Variants in NCR2 observed in about 807,000 individuals in gnomAD.
The protein encoded by NCR2 is natural cytotoxicity triggering receptor 2, also known as NK cell activating receptor (NKp44).
NCR2 carries 35 observed loss-of-function variants against 30.7 expected under a neutral mutation model. The observed-to-expected ratio is 1.14, with a 90% CI of 0.87 to 1.51. NCR2 has a LOEUF of 1.51. Among genes scored for constraint, NCR2 ranks in the 40% most tolerant of loss-of-function variants. The pLI is 0.00. For synonymous variants in NCR2, 146 were observed against 134.8 expected (o/e 1.08, Z -0.58); for missense variants, 316 against 328.9 (o/e 0.96, Z 0.30).
rs1468277408 is a variant in NCR2, at chr6:41,350,759, G to A, written c.726G>A (p.Thr242=). The change falls in exon 5 of 5, where the codon ACG becomes ACA. Residue 242 remains threonine, a synonymous_variant. Transcript: ENST00000373089. ...QKATCHLQQV[T]DLPWTSVSSP... is the part of the protein sequence containing the mutation. Reference sequence around the variant, plus strand: ...CCACCTGCCACCTTCAACAGGTCACGGACCTTCCCTGGACCTCAGTTTCCT... The same window carrying A: ...CCACCTGCCACCTTCAACAGGTCACAGACCTTCCCTGGACCTCAGTTTCCT... The A allele has an allele frequency of 7.5e-6, 12 of 1,607,370 alleles. No individual in the cohort carries two copies. Among genetic ancestry groups the A allele is most frequent in the Admixed American group, 1.7e-5 (1 of 59,994 alleles).
intron 2 of NCR2, 78 bp from the exon 3 acceptor site, chr6:41,341,715 TC>T (rs1360827337): frequency 2.0e-6 from 3 of 1,506,446 alleles, no homozygotes; most frequent in Non-Finnish European, 2.7e-6. Flanking sequence ...CTGGTCCAAC[TC>T]CCCCATCCAG....
chr6:41,336,531 C>A, intron 2 of NCR2, 103 bp downstream of exon 2: 1 of 935,192 alleles, frequency 1.1e-6, no homozygotes, highest in Non-Finnish European at 1.6e-6. Context: ...ATGCCCACGC[C>A]CCAGTCTCCT....
chr6:41,342,187 C>G (rs1394014601), intron 4 of NCR2, 38 bp downstream of exon 4: 1 of 1,606,486 alleles, frequency 6.2e-7, no homozygotes, highest in Non-Finnish European at 8.5e-7. Flanking sequence ...GAAAATGGAA[C>G]AGGGAACAGC....
intron 2 of NCR2, 80 bp from the exon 3 acceptor site, chr6:41,341,714 C>A: frequency 6.6e-7 from 1 of 1,506,794 alleles, no homozygotes; most frequent in South Asian, 1.2e-5. Flanking sequence ...TCTGGTCCAA[C>A]TCCCCCATCC....
At chr6:41,340,777 C>T (rs887333928) in intron 2 of NCR2, among the ~76,000 whole-genome samples, 4 of 152,134 alleles carry the variant, frequency 2.6e-5, no homozygotes, top group Non-Finnish European at 5.9e-5. Context: ...AGGATTTTAC[C>T]AGAGTGTCCC....
chr6:41,342,675 C>T (rs1010348086), intron 4 of NCR2, among the ~76,000 whole-genome samples: 7 of 152,286 alleles, frequency 4.6e-5, no homozygotes, highest in Admixed American at 2.6e-4. Flanking sequence ...CTCCCTAAAG[C>T]CACCATCCCA....
chr6:41,343,195 C>T (rs1023339419), intron 4 of NCR2, among the ~76,000 whole-genome samples: 1 of 152,278 alleles, frequency 6.6e-6, no homozygotes, highest in Admixed American at 6.5e-5. Context: ...TCAGTTTGCA[C>T]TGCGGCCAGC....
chr6:41,347,459 C>A (rs1190141850), intron 4 of NCR2, among the ~76,000 whole-genome samples: 1 of 152,212 alleles, frequency 6.6e-6, no homozygotes, highest in Non-Finnish European at 1.5e-5. Context: ...CCAGTCAGGC[C>A]TTTGACTATG....
intron 4 of NCR2, among the ~76,000 whole-genome samples, chr6:41,345,288 C>T (rs1769274827): frequency 6.6e-6 from 1 of 152,156 alleles, no homozygotes; most frequent in African/African-American, 2.4e-5. Context: ...TCCCATTTCT[C>T]CAACTTTCTG....
intron 4 of NCR2, among the ~76,000 whole-genome samples, chr6:41,346,512 C>T (rs1446474256): frequency 1.3e-5 from 2 of 152,156 alleles, no homozygotes; most frequent in Non-Finnish European, 2.9e-5. Context: ...TCAAATCAGT[C>T]TTTGGCACAC....
intron 2 of NCR2, among the ~76,000 whole-genome samples, chr6:41,341,552 C>T (rs1769167619): frequency 1.3e-5 from 2 of 152,122 alleles, no homozygotes. Flanking sequence ...GAGTCCTCTT[C>T]CAGTGCTCCT....
Position 41,335,612 on chromosome 6 carries a change from A to G in NCR2, c.-265A>G, listed in dbSNP as rs1258162012. The G allele has an allele frequency of 5.8e-6, 3 of 516,610 alleles. No homozygotes were observed. Among genetic ancestry groups the G allele is most frequent in the African/African-American group, 5.8e-5 (3 of 52,022 alleles). The allele number at this position is 516,610 out of a possible 1,614,324, so 32.0% of individuals were successfully genotyped here. A position where few individuals can be genotyped will look rare whatever the true frequency, so the allele number is the denominator to read the frequency against. ...CAGCTGGGCACAGGGGAGAGCAGGC[A>G]TCTTCTACAGAGGCCTGGGAAGCTG... On this transcript the variant is annotated 5_prime_UTR_variant, in exon 1 of 5. Transcript: ENST00000373089.
intron 4 of NCR2, among the ~76,000 whole-genome samples, chr6:41,346,879 G>C (rs574347616): frequency 6.6e-6 from 1 of 151,810 alleles, no homozygotes; most frequent in South Asian, 2.1e-4. Context: ...GAGAAAAAGA[G>C]GAGGGAAGAA....
At chr6:41,337,332 A>G (rs2114047605) in intron 2 of NCR2, among the ~76,000 whole-genome samples, 1 of 152,378 alleles carries the variant, frequency 6.6e-6, no homozygotes, top group East Asian at 1.9e-4. Context: ...TAAAAACTGT[A>G]TACATTGTTC....
chr6:41,338,110 C>T (rs935910186), intron 2 of NCR2, among the ~76,000 whole-genome samples: 2 of 152,128 alleles, frequency 1.3e-5, no homozygotes, highest in South Asian at 2.1e-4. Flanking sequence ...AAAAACATGT[C>T]GCTTTACTTC....
chr6:41,347,640 C>A (rs1292035577), intron 4 of NCR2, among the ~76,000 whole-genome samples: 1 of 152,264 alleles, frequency 6.6e-6, no homozygotes, highest in Admixed American at 6.5e-5. Context: ...TGACTTTCTC[C>A]TGACTCATTT....
Position 41,342,070 on chromosome 6 carries a change from G to A in NCR2, c.565G>A (p.Ala189Thr). ...QNSTLRPGPAAPIALVPVFCG... is the reference protein window; with the variant it reads ...QNSTLRPGPATPIALVPVFCG... Reference sequence around the variant, plus strand: ...CTCCACGCTCCGCCCTGGCCCTGCAGCCCCCATTGCCCTGGTGCCTGTGTT... The same window carrying A: ...CTCCACGCTCCGCCCTGGCCCTGCAACCCCCATTGCCCTGGTGCCTGTGTT... Residue 189 changes from alanine (A) to threonine (T), a missense_variant, in exon 4 of 5, where the codon GCC becomes ACC. By Grantham distance (58) the Ala-to-Thr change is moderately conservative. Transcript: ENST00000373089. 1 of 1,613,862 alleles carries A rather than the reference G, an allele frequency of 6.2e-7. No individual in the cohort carries two copies. Among genetic ancestry groups the A allele is most frequent in the Non-Finnish European group, 8.5e-7 (1 of 1,180,006 alleles).
At chr6:41,340,606 G>C (rs1769145780) in intron 2 of NCR2, among the ~76,000 whole-genome samples, 1 of 152,204 alleles carries the variant, frequency 6.6e-6, no homozygotes, top group Non-Finnish European at 1.5e-5. Flanking sequence ...GATGAGACGA[G>C]TTAACTAATC....
chr6:41,341,535 G>A (rs1769167240), intron 2 of NCR2, among the ~76,000 whole-genome samples: 1 of 152,142 alleles, frequency 6.6e-6, no homozygotes, highest in African/African-American at 2.4e-5. Context: ...AGACTCGAGT[G>A]CCTCCTGAGT....
Sources: allele counts gnomAD v4.1 joint callset (sites outside exome capture counted in the v4.1 genomes callset), GRCh38; gene constraint gnomAD v4.1.1; transcripts MANE v1.5; gene names NCBI Gene and HGNC (gene_info 2026-07-23, HGNC 2026-07-21).